Variants in NEGR1 observed in about 807,000 individuals in gnomAD.
The protein encoded by NEGR1 is neuronal growth regulator 1.
A neutral mutation model predicts 40.9 loss-of-function variants in NEGR1; 10 were observed. The observed-to-expected ratio is 0.24, with a 90% CI of 0.15 to 0.42. The LOEUF (loss-of-function observed/expected upper bound fraction) is 0.42. Ranked by LOEUF, NEGR1 falls within the 10% of genes least tolerant of loss-of-function variation. NEGR1 has a pLI of 1.00. For synonymous variants in NEGR1, 185 were observed against 166.8 expected (o/e 1.11, Z -0.84); for missense variants, 352 against 438.9 (o/e 0.80, Z 1.77).
At chr1:71,710,262 C>G (rs1654034901) in intron 3 of NEGR1, among the ~76,000 whole-genome samples, 1 of 151,930 alleles carries the variant, frequency 6.6e-6, no homozygotes, top group Non-Finnish European at 1.5e-5. Flanking sequence ...AAAAGGGAAC[C>G]CTTGTACACT....
chr1:71,546,166 G>C (rs1168977215), intron 6 of NEGR1, among the ~76,000 whole-genome samples: 2 of 151,724 alleles, frequency 1.3e-5, no homozygotes, highest in Non-Finnish European at 3.0e-5. Context: ...GTGTAAAGGT[G>C]ATTTGATCCA....
chr1:71,453,939 C>T (rs1416689363), intron 6 of NEGR1, among the ~76,000 whole-genome samples: 4 of 152,176 alleles, frequency 2.6e-5, no homozygotes, highest in African/African-American at 9.7e-5. Flanking sequence ...TTCCTTTACT[C>T]TAAACTGAGC....
chr1:72,002,984 T>A (rs1224515554), intron 1 of NEGR1, among the ~76,000 whole-genome samples: 1 of 152,172 alleles, frequency 6.6e-6, no homozygotes, highest in Non-Finnish European at 1.5e-5. Context: ...GTTATTAACA[T>A]GTAAAGTGAC....
At chr1:72,126,963 A>T (rs1650045295) in intron 1 of NEGR1, among the ~76,000 whole-genome samples, 1 of 152,178 alleles carries the variant, frequency 6.6e-6, no homozygotes, top group South Asian at 2.1e-4. Context: ...CTGCACACAA[A>T]TCCGACTTTT....
chr1:71,850,994 C>A (rs1424230857), intron 2 of NEGR1, among the ~76,000 whole-genome samples: 1 of 152,146 alleles, frequency 6.6e-6, no homozygotes, highest in Non-Finnish European at 1.5e-5. Flanking sequence ...CTGTATTTAT[C>A]AAAATCATCC....
intron 4 of NEGR1, among the ~76,000 whole-genome samples, chr1:71,623,160 T>G (rs1488717501): frequency 6.6e-6 from 1 of 151,726 alleles, no homozygotes; most frequent in Non-Finnish European, 1.5e-5. Flanking sequence ...AAAAATAAGA[T>G]TTATATCATA....
Position 71,912,712 on chromosome 1 carries a change from A to G in NEGR1, c.409+22367T>C, listed in dbSNP as rs906897839. On this transcript the variant is annotated intron_variant, in intron 2 of 6. Coordinates refer to ENST00000357731, the MANE Select transcript of NEGR1 (RefSeq NM_173808.3). ...CCAAAGAATACATTTGAAGCAATATAAGAATAATGTAGTCTACCATATTGT... is the reference window on the plus strand; with the variant it reads ...CCAAAGAATACATTTGAAGCAATATGAGAATAATGTAGTCTACCATATTGT... Among the ~76,000 whole-genome samples, 7 of 152,204 alleles carry G rather than the reference A, an allele frequency of 4.6e-5. 1 individual carries two copies. The highest frequency in any genetic ancestry group is 2.1e-4 in the South Asian group (1 of 4,830).
chr1:71,948,676 C>T (rs1231435326), intron 1 of NEGR1, among the ~76,000 whole-genome samples: 2 of 152,024 alleles, frequency 1.3e-5, no homozygotes, highest in African/African-American at 4.8e-5. Flanking sequence ...AGAATCTCCC[C>T]ACATATCGAT....
At chr1:71,992,713 GT>G (rs1259920262) in intron 1 of NEGR1, among the ~76,000 whole-genome samples, 1 of 138,410 alleles carries the variant, frequency 7.2e-6, no homozygotes, top group Non-Finnish European at 1.6e-5. Context: ...AGTACCTTCT[GT>G]ACTGGGAAGT....
At chr1:71,499,795 T>C (rs1223830824) in intron 6 of NEGR1, among the ~76,000 whole-genome samples, 1 of 151,820 alleles carries the variant, frequency 6.6e-6, no homozygotes, top group Non-Finnish European at 1.5e-5. Context: ...GATAGAAAAA[T>C]AATTCACCCA....
chr1:71,473,482 C>A (rs1406011776), intron 6 of NEGR1, among the ~76,000 whole-genome samples: 4 of 152,060 alleles, frequency 2.6e-5, no homozygotes, highest in African/African-American at 9.7e-5. Context: ...AAAGAGTTAA[C>A]ACTATACCTG....
intron 3 of NEGR1, among the ~76,000 whole-genome samples, chr1:71,775,637 C>T (rs962838772): frequency 2.0e-5 from 3 of 151,964 alleles, no homozygotes; most frequent in Non-Finnish European, 4.4e-5. Flanking sequence ...TGAGCCACTG[C>T]GCCCAGCCCA....
intron 1 of NEGR1, among the ~76,000 whole-genome samples, chr1:72,052,731 T>G (rs1261437526): frequency 6.6e-6 from 1 of 151,498 alleles, no homozygotes; most frequent in Non-Finnish European, 1.5e-5. Flanking sequence ...AGCTATTAAC[T>G]TTTGCATAAA....
chr1:71,472,884 T>G (rs897102525), intron 6 of NEGR1, among the ~76,000 whole-genome samples: 1 of 151,956 alleles, frequency 6.6e-6, no homozygotes, highest in Non-Finnish European at 1.5e-5. Flanking sequence ...AAATATACAA[T>G]AATTGGATGT....
intron 4 of NEGR1, among the ~76,000 whole-genome samples, chr1:71,677,397 TG>T (rs1652680101): frequency 1.3e-5 from 2 of 152,340 alleles, no homozygotes; most frequent in South Asian, 4.1e-4. Flanking sequence ...CAAATGATTA[TG>T]TACTATAATT....
At chr1:71,870,157 G>A (rs1660238263) in intron 2 of NEGR1, among the ~76,000 whole-genome samples, 1 of 152,082 alleles carries the variant, frequency 6.6e-6, no homozygotes, top group African/African-American at 2.4e-5. Flanking sequence ...TAGGATTACA[G>A]GCGTGAGCCA....
At chr1:71,816,743 A>G (rs1281079024) in intron 2 of NEGR1, among the ~76,000 whole-genome samples, 1 of 151,960 alleles carries the variant, frequency 6.6e-6, no homozygotes, top group Non-Finnish European at 1.5e-5. Context: ...CCATTCCCCA[A>G]TCTACCAATT....
intron 1 of NEGR1, among the ~76,000 whole-genome samples, chr1:72,207,502 C>A (rs1653453954): frequency 6.6e-6 from 1 of 151,686 alleles, no homozygotes; most frequent in African/African-American, 2.4e-5. Context: ...GTGGATAAAA[C>A]AATAAGAAGT....
intron 2 of NEGR1, among the ~76,000 whole-genome samples, chr1:71,928,422 A>G (rs555717471): frequency 2.9e-5 from 4 of 136,736 alleles, no homozygotes; most frequent in African/African-American, 5.2e-5. Context: ...ATATATACAC[A>G]CATATGTATA....
Sources: gnomAD v4.1 joint callset for allele counts (sites outside exome capture counted in the v4.1 genomes callset) on GRCh38, gnomAD v4.1.1 for gene constraint, MANE v1.5 for transcripts, NCBI Gene and HGNC (gene_info 2026-07-23, HGNC 2026-07-21) for gene names.